TTC28: variants seen among roughly 807,000 people sequenced by gnomAD.
TTC28 encodes the protein tetratricopeptide repeat protein 28.
TTC28 carries 61 observed loss-of-function variants against 198.0 expected under a neutral mutation model. The ratio of observed to expected loss-of-function variants is 0.31; its 90% confidence interval spans 0.25 to 0.38. The LOEUF (loss-of-function observed/expected upper bound fraction) is 0.38, where lower values mean the gene tolerates loss of function less well. Among genes scored for constraint, TTC28 ranks in the 10% least tolerant of loss-of-function variants. TTC28 has a pLI of 1.00. For missense variants in TTC28, 2,678 were observed against 3,164.0 expected, an observed-to-expected ratio of 0.85 and a Z score of 3.69; for synonymous variants, 1,171 against 1,297.8, an observed-to-expected ratio of 0.90 and a Z score of 2.10.
At chr22:28,383,202 A>C (rs548812021) in intron 2 of TTC28, among the ~76,000 whole-genome samples, 1 of 152,232 alleles carries the variant, frequency 6.6e-6, no homozygotes, top group East Asian at 1.9e-4. Flanking sequence ...TCTTAACCTG[A>C]TCTTTCTTTC....
At chr22:28,604,214 G>A (rs1235462383) in intron 2 of TTC28, among the ~76,000 whole-genome samples, 1 of 149,836 alleles carries the variant, frequency 6.7e-6, no homozygotes, top group Non-Finnish European at 1.5e-5. Context: ...AGAGGCAGAT[G>A]TTACGGTGAG....
At chr22:28,242,156 C>A (rs1035789885) in intron 5 of TTC28, among the ~76,000 whole-genome samples, 1 of 152,170 alleles carries the variant, frequency 6.6e-6, no homozygotes, top group Non-Finnish European at 1.5e-5. Context: ...GAATACACTG[C>A]CTGGCGCCAC....
chr22:28,144,056 A>C (rs1943403457), intron 6 of TTC28, among the ~76,000 whole-genome samples: 1 of 152,222 alleles, frequency 6.6e-6, no homozygotes, highest in Admixed American at 6.5e-5. Flanking sequence ...AGGAAGTTTC[A>C]GTCCAATACC....
intron 2 of TTC28, among the ~76,000 whole-genome samples, chr22:28,621,388 G>A (rs1338440532): frequency 6.6e-6 from 1 of 151,942 alleles, no homozygotes; most frequent in Non-Finnish European, 1.5e-5. Context: ...GGTGCTAATA[G>A]AAACAAACTG....
chr22:28,346,867 T>G (rs1251449899), intron 2 of TTC28, among the ~76,000 whole-genome samples: 1 of 152,006 alleles, frequency 6.6e-6, no homozygotes, highest in Non-Finnish European at 1.5e-5. Flanking sequence ...GGAAGCAACT[T>G]AAATCAAAGG....
intron 12 of TTC28, among the ~76,000 whole-genome samples, chr22:28,088,960 T>C (rs1252273160): frequency 6.6e-6 from 1 of 152,060 alleles, no homozygotes. Context: ...AAAACCACAA[T>C]GAGGTACCAT....
intron 2 of TTC28, among the ~76,000 whole-genome samples, chr22:28,567,567 C>G (rs1360946354): frequency 7.5e-6 from 1 of 133,508 alleles, no homozygotes; most frequent in Non-Finnish European, 1.6e-5. Flanking sequence ...AAAAGGCAAC[C>G]AAGGCAGAAA....
chr22:28,276,534 C>T (rs1932443404), intron 5 of TTC28, among the ~76,000 whole-genome samples: 1 of 152,078 alleles, frequency 6.6e-6, no homozygotes, highest in South Asian at 2.1e-4. Flanking sequence ...ATTAATAGAA[C>T]TTCTCTAATG....
At chr22:28,201,843 T>C (rs1394650156) in intron 5 of TTC28, among the ~76,000 whole-genome samples, 4 of 145,116 alleles carry the variant, frequency 2.8e-5, no homozygotes, top group Non-Finnish European at 6.0e-5. Flanking sequence ...AAGAGAGGAA[T>C]ACAGCCTGAA....
chr22:28,280,198 C>T (rs2044556910), intron 5 of TTC28, among the ~76,000 whole-genome samples: 1 of 151,860 alleles, frequency 6.6e-6, no homozygotes, highest in Admixed American at 6.6e-5. Context: ...TTTCATGCTC[C>T]CAACAACAAC....
chr22:28,032,209 TATATATATAAA>T (rs1473135551), intron 12 of TTC28, among the ~76,000 whole-genome samples: 9 of 116,674 alleles, frequency 7.7e-5, no homozygotes, highest in African/African-American at 2.4e-4. Flanking sequence ...ATATAAAATA[TATATATATAAA>T]ATATATATAT....
At chr22:28,637,257 C>CT in intron 1 of TTC28, among the ~76,000 whole-genome samples, 1 of 152,198 alleles carries the variant, frequency 6.6e-6, no homozygotes, top group East Asian at 1.9e-4. Context: ...GGTGATCCGC[C>CT]TGCCTCAGCC....
chr22:28,102,269 A>G (rs1456261256), intron 8 of TTC28, among the ~76,000 whole-genome samples: 1 of 152,196 alleles, frequency 6.6e-6, no homozygotes, highest in Non-Finnish European at 1.5e-5. Flanking sequence ...GACACATTTC[A>G]TGTCTAATCT....
At chr22:28,189,593 C>T (rs1457062345) in intron 5 of TTC28, among the ~76,000 whole-genome samples, 1 of 150,990 alleles carries the variant, frequency 6.6e-6, no homozygotes, top group Admixed American at 6.6e-5. Flanking sequence ...AAAAAAAGAC[C>T]TTCTGTGAAA....
chr22:28,430,506 A>G (rs2047414914), intron 2 of TTC28, among the ~76,000 whole-genome samples: 1 of 152,190 alleles, frequency 6.6e-6, no homozygotes, highest in African/African-American at 2.4e-5. Flanking sequence ...GGTAACTAAT[A>G]TTACCCAAAG....
intron 2 of TTC28, among the ~76,000 whole-genome samples, chr22:28,425,415 G>T (rs2047335490): frequency 1.3e-5 from 2 of 152,204 alleles, no homozygotes; most frequent in African/African-American, 4.8e-5. Context: ...GAGAGAAGAT[G>T]AATAAGTGCC....
intron 2 of TTC28, among the ~76,000 whole-genome samples, chr22:28,529,623 C>T (rs1168135981): frequency 6.6e-6 from 1 of 152,180 alleles, no homozygotes; most frequent in African/African-American, 2.4e-5. Flanking sequence ...GGTTCCTAAC[C>T]CCTGAGTAGC....
chr22:28,312,369 C>T (rs1222043867), intron 2 of TTC28, among the ~76,000 whole-genome samples: 1 of 152,158 alleles, frequency 6.6e-6, no homozygotes, highest in Non-Finnish European at 1.5e-5. Context: ...ACCTAATAGA[C>T]ATCTACAGAA....
chr22:28,139,414 G>C (rs1281412059), intron 6 of TTC28, among the ~76,000 whole-genome samples: 2 of 152,168 alleles, frequency 1.3e-5, no homozygotes, highest in Non-Finnish European at 2.9e-5. Context: ...AACAAGGATA[G>C]GATGGCCTTA....
Sources: allele counts gnomAD v4.1 joint callset (sites outside exome capture counted in the v4.1 genomes callset), GRCh38; gene constraint gnomAD v4.1.1; transcripts MANE v1.5; gene names NCBI Gene and HGNC (gene_info 2026-07-23, HGNC 2026-07-21).